The following IGF2BP2 variants were observed in gnomAD, a reference collection of about 807,000 sequenced individuals.
IGF2BP2 encodes the protein insulin-like growth factor 2 mRNA-binding protein 2.
In IGF2BP2, 17 loss-of-function variants were observed where a neutral mutation model predicts 75.8. That is an observed-to-expected ratio of 0.22 (90% CI 0.15 to 0.34). The LOEUF is 0.34. Ranked by LOEUF, IGF2BP2 falls within the 10% of genes least tolerant of loss-of-function variation. IGF2BP2 has a pLI of 1.00. For missense variants in IGF2BP2, 516 were observed against 772.4 expected (o/e 0.67, Z 3.93); for synonymous variants, 288 against 295.6 (o/e 0.97, Z 0.26).
intron 6 of IGF2BP2, chr3:185,689,059 C>T: frequency 6.4e-6 from 2 of 312,862 alleles, no homozygotes; most frequent in Non-Finnish European, 1.2e-5. Context: ...GAGCTCCAAA[C>T]CTCTGCTTTT....
At chr3:185,764,861 G>GC (rs1732841875) in intron 2 of IGF2BP2, among the ~76,000 whole-genome samples, 1 of 152,072 alleles carries the variant, frequency 6.6e-6, no homozygotes, top group Non-Finnish European at 1.5e-5. Flanking sequence ...ACTCAGCCTT[G>GC]CCCCCAGCTC....
chr3:185,663,123 C>T (rs1716739995), intron 10 of IGF2BP2, among the ~76,000 whole-genome samples: 1 of 152,232 alleles, frequency 6.6e-6, no homozygotes, highest in South Asian at 2.1e-4. Flanking sequence ...TTGTAGTCAT[C>T]TGACATCTGG....
At chr3:185,757,890 C>T (rs1028996604) in intron 2 of IGF2BP2, among the ~76,000 whole-genome samples, 4 of 151,982 alleles carry the variant, frequency 2.6e-5, no homozygotes, top group East Asian at 3.8e-4. Flanking sequence ...AGTCTATCCA[C>T]ACACATACCT....
chr3:185,657,080 TTC>T (rs1168368765), intron 12 of IGF2BP2, among the ~76,000 whole-genome samples: 1 of 152,218 alleles, frequency 6.6e-6, no homozygotes, highest in East Asian at 1.9e-4. Flanking sequence ...TACTATTTTT[TTC>T]TAATTCAGTG....
At chr3:185,770,096 TTCTC>T (rs1733677090) in intron 2 of IGF2BP2, among the ~76,000 whole-genome samples, 1 of 152,160 alleles carries the variant, frequency 6.6e-6, no homozygotes. Flanking sequence ...ATCCTGAGCC[TTCTC>T]TCTATGTCCT....
chr3:185,787,248 G>A (rs1404510511), intron 2 of IGF2BP2, among the ~76,000 whole-genome samples: 2 of 152,076 alleles, frequency 1.3e-5, no homozygotes, highest in East Asian at 1.9e-4. Context: ...TGTAGTTAAC[G>A]CTCCTGAGTT....
chr3:185,797,267 A>G (rs1737545919), intron 2 of IGF2BP2, among the ~76,000 whole-genome samples: 2 of 152,196 alleles, frequency 1.3e-5, no homozygotes, highest in African/African-American at 4.8e-5. Context: ...TGTGCTCACA[A>G]TGTAGGAAAG....
chr3:185,767,713 G>A (rs906551029), intron 2 of IGF2BP2: 2 of 154,030 alleles, frequency 1.3e-5, no homozygotes, highest in Non-Finnish European at 2.9e-5. Context: ...CTGAAATGAG[G>A]AATACAATTC....
At chr3:185,688,503 T>A (rs898483913) in intron 6 of IGF2BP2, among the ~76,000 whole-genome samples, 5 of 152,112 alleles carry the variant, frequency 3.3e-5, no homozygotes, top group Non-Finnish European at 7.4e-5. Context: ...CCACCACAAC[T>A]GGCTGATTTT....
At chr3:185,797,261 C>T (rs190651568) in intron 2 of IGF2BP2, among the ~76,000 whole-genome samples, 3 of 152,328 alleles carry the variant, frequency 2.0e-5, no homozygotes, top group Admixed American at 1.3e-4. Flanking sequence ...TGTGTTTGTG[C>T]TCACAATGTA....
intron 7 of IGF2BP2, among the ~76,000 whole-genome samples, chr3:185,685,764 C>G (rs1249836002): frequency 6.6e-6 from 1 of 152,154 alleles, no homozygotes; most frequent in South Asian, 2.1e-4. Flanking sequence ...GCCTCAGCCT[C>G]CTGAGTAGCC....
At chr3:185,772,963 A>G (rs1001087637) in intron 2 of IGF2BP2, among the ~76,000 whole-genome samples, 2 of 152,128 alleles carry the variant, frequency 1.3e-5, no homozygotes, top group African/African-American at 4.8e-5. Flanking sequence ...TGGGCAGAAG[A>G]CTTCATCCCT....
intron 2 of IGF2BP2, among the ~76,000 whole-genome samples, chr3:185,770,749 T>A (rs557587167): frequency 4.1e-4 from 62 of 152,316 alleles, no homozygotes; most frequent in African/African-American, 1.4e-3. Flanking sequence ...GAAAGGTTTC[T>A]GTTCTATTTG....
chr3:185,764,235 T>C (rs561964972), intron 2 of IGF2BP2, among the ~76,000 whole-genome samples: 1 of 151,642 alleles, frequency 6.6e-6, no homozygotes, highest in Non-Finnish European at 1.5e-5. Flanking sequence ...AAAAAAAAAA[T>C]TGCTAATATT....
chr3:185,709,419 G>C (rs1410467039), intron 2 of IGF2BP2, among the ~76,000 whole-genome samples: 3 of 152,178 alleles, frequency 2.0e-5, no homozygotes, highest in Admixed American at 6.5e-5. Context: ...AAGCTCCCCA[G>C]GGGCACTTGC....
At chr3:185,691,124 G>A (rs1184638127) in intron 5 of IGF2BP2, among the ~76,000 whole-genome samples, 1 of 152,016 alleles carries the variant, frequency 6.6e-6, no homozygotes, top group East Asian at 1.9e-4. Flanking sequence ...TCGAGACAGA[G>A]TTTCGCCCTT....
intron 2 of IGF2BP2, among the ~76,000 whole-genome samples, chr3:185,770,976 C>G (rs953746043): frequency 6.6e-6 from 1 of 152,162 alleles, no homozygotes; most frequent in Non-Finnish European, 1.5e-5. Context: ...GTCTTGAACT[C>G]TTGGCCTCAA....
At chr3:185,720,454 C>A (rs542399780) in intron 2 of IGF2BP2, among the ~76,000 whole-genome samples, 1 of 152,166 alleles carries the variant, frequency 6.6e-6, no homozygotes, top group Admixed American at 6.5e-5. Flanking sequence ...GGAGCCACCG[C>A]GCCCGGCCCC....
At chr3:185,661,842 G>A (rs142121313) in intron 10 of IGF2BP2, among the ~76,000 whole-genome samples, 415 of 152,040 alleles carry the variant, frequency 2.7e-3, no homozygotes, top group Middle Eastern at 3.4e-3. Flanking sequence ...CAGGTGTGGA[G>A]GTGAGTGGTC....
Sources: allele counts gnomAD v4.1 joint callset (sites outside exome capture counted in the v4.1 genomes callset), GRCh38; gene constraint gnomAD v4.1.1; transcripts MANE v1.5; gene names NCBI Gene and HGNC (gene_info 2026-07-23, HGNC 2026-07-21).